GATB: variants seen among roughly 807,000 people sequenced by gnomAD.
GATB encodes the protein glutamyl-tRNA amidotransferase subunit B.
In GATB, 39 loss-of-function variants were observed where a neutral mutation model predicts 62.3. The observed-to-expected ratio is 0.63, with a 90% CI of 0.48 to 0.82. GATB has a LOEUF of 0.82. Ranked by LOEUF, GATB falls within the 40% of genes least tolerant of loss-of-function variation. GATB has a pLI of 0.00. For missense variants in GATB, 670 were observed against 684.0 expected (o/e 0.98, Z 0.23); for synonymous variants, 276 against 258.9 (o/e 1.07, Z -0.63).
At chr4:151,735,150 C>T (rs1399407846) in intron 2 of GATB, among the ~76,000 whole-genome samples, 3 of 150,492 alleles carry the variant, frequency 2.0e-5, no homozygotes, top group Non-Finnish European at 4.4e-5. Context: ...AGAAAACCCA[C>T]AAAGTGGGAG....
intron 2 of GATB, among the ~76,000 whole-genome samples, chr4:151,750,179 C>A (rs1037845101): frequency 6.6e-6 from 1 of 152,200 alleles, no homozygotes; most frequent in Non-Finnish European, 1.5e-5. Context: ...CCACGCCCAG[C>A]CCCTAACTTA....
chr4:151,756,356 C>A (rs1441614736), intron 2 of GATB, among the ~76,000 whole-genome samples: 3 of 152,178 alleles, frequency 2.0e-5, no homozygotes, highest in African/African-American at 7.2e-5. Context: ...GGAAGGACAA[C>A]TGTCTAAAGG....
intron 2 of GATB, among the ~76,000 whole-genome samples, chr4:151,745,203 G>C (rs1739571410): frequency 6.6e-6 from 1 of 152,196 alleles, no homozygotes; most frequent in Non-Finnish European, 1.5e-5. Flanking sequence ...AATGGACGGA[G>C]AGATAAATGT....
At chr4:151,711,069 C>G (rs1371093125) in intron 5 of GATB, among the ~76,000 whole-genome samples, 1 of 152,176 alleles carries the variant, frequency 6.6e-6, no homozygotes, top group African/African-American at 2.4e-5. Context: ...TGTGCTTCCT[C>G]CCTGTCTCTT....
In GATB at chr4:151,730,773, T is replaced by TA. The variant is rs1327069748; in HGVS notation, c.328-11236dup. ...ACCCCATGGGACAAAAAGACCTGAA[T>TA]AGCAGCTTTCAGCCCTGGACCTTCC... On this transcript the variant is annotated intron_variant, in intron 2 of 12. Transcript: ENST00000263985. This position sits in a 1 kb window ranked among gnomAD's most constrained non-coding sequence, Gnocchi z 4.1. 6.6e-6 allele frequency among the ~76,000 whole-genome samples: 1 copy of TA among 152,200 alleles called. No homozygotes were observed. The highest frequency in any genetic ancestry group is 6.5e-5 in the Admixed American group (1 of 15,282).
intron 5 of GATB, among the ~76,000 whole-genome samples, chr4:151,709,536 A>G: frequency 6.6e-6 from 1 of 151,924 alleles, no homozygotes; most frequent in East Asian, 1.9e-4. Flanking sequence ...GTCATCTTCT[A>G]CTTCTCTGTT....
chr4:151,751,594 G>A (rs1739722217), intron 2 of GATB, among the ~76,000 whole-genome samples: 1 of 152,152 alleles, frequency 6.6e-6, no homozygotes, highest in African/African-American at 2.4e-5. Flanking sequence ...TCCAATTATG[G>A]TAGGTAAGAA....
At position 151,725,092 on chromosome 4, in the gene GATB, C is replaced by T. The variant is rs143512962; in HGVS notation, c.328-5554G>A. 4.6e-5 allele frequency among the ~76,000 whole-genome samples: 7 copies of T among 152,348 alleles called. No individual in the cohort carries two copies. In the East Asian group the frequency reaches 1.2e-3, roughly 25 times the overall value. ...AGAGATTCTCAACAGCAGGAGGCCA[C>T]TCCTATCACAGGGTATTGGGGCCAT... On this transcript the variant is annotated intron_variant, in intron 2 of 12. Transcript: ENST00000263985.
intron 2 of GATB, among the ~76,000 whole-genome samples, chr4:151,725,448 A>C (rs764436405): frequency 1.3e-5 from 2 of 152,236 alleles, no homozygotes; most frequent in African/African-American, 2.4e-5. Flanking sequence ...TCTTTTGATA[A>C]ATAAACAGCT....
intron 2 of GATB, among the ~76,000 whole-genome samples, chr4:151,742,492 C>T (rs1373282274): frequency 6.6e-6 from 1 of 152,164 alleles, no homozygotes; most frequent in African/African-American, 2.4e-5. Context: ...TTGTTTCATC[C>T]CCTCCCTTCT....
intron 8 of GATB, chr4:151,703,157 T>C (rs1738640897): frequency 6.6e-6 from 1 of 152,352 alleles, no homozygotes; most frequent in Non-Finnish European, 1.5e-5. Flanking sequence ...GTGAGGTTCA[T>C]GCTAAGCGTT....
At chr4:151,698,565 T>C (rs1029816470) in intron 9 of GATB, among the ~76,000 whole-genome samples, 2 of 152,228 alleles carry the variant, frequency 1.3e-5, no homozygotes, top group Non-Finnish European at 2.9e-5. Flanking sequence ...TTCTCAGCAA[T>C]CTGTTGTGTT....
At position 151,758,804 on chromosome 4, in the gene GATB, A is replaced by G. The variant is rs1739890594; in HGVS notation, c.295T>C (p.Phe99Leu). Residue 99 changes from phenylalanine (F) to leucine (L), a missense_variant, in exon 2 of 13, where the codon TTT (phenylalanine) becomes CTT (leucine). Transcript: ENST00000263985. ...GTTCCAGGTAGAGATGCATCAAAAA[A>G]AGAAACCAAAGAATTTGGAGGTGCT... ...FSAPPNSLVS[F>L]FDASLPGTLP... 6.2e-7 allele frequency: 1 copy of G among 1,607,288 alleles called. No homozygotes were observed. Among genetic ancestry groups the G allele is most frequent in the African/African-American group, 1.3e-5 (1 of 74,806 alleles).
intron 12 of GATB, among the ~76,000 whole-genome samples, chr4:151,671,691 G>A (rs1043375743): frequency 2.6e-5 from 4 of 152,096 alleles, no homozygotes; most frequent in Non-Finnish European, 5.9e-5. Flanking sequence ...GATTCTCAGT[G>A]ATGTTCAGCT....
intron 9 of GATB, among the ~76,000 whole-genome samples, chr4:151,700,086 G>A (rs1384945884): frequency 2.6e-5 from 4 of 152,222 alleles, no homozygotes; most frequent in African/African-American, 7.2e-5. Context: ...AGACTAAAAC[G>A]TAGTTTTGTT....
chr4:151,716,753 A>T, intron 4 of GATB, 123 bp downstream of exon 4: 1 of 811,482 alleles, frequency 1.2e-6, no homozygotes, highest in Non-Finnish European at 2.0e-6. Context: ...TTTAGTCTCC[A>T]TCTATCAGGC....
At chr4:151,696,046 G>A (rs1738464511) in intron 9 of GATB, among the ~76,000 whole-genome samples, 2 of 149,808 alleles carry the variant, frequency 1.3e-5, no homozygotes. Flanking sequence ...CTCCCAGAGT[G>A]CTGGGATTAC....
At chr4:151,705,301 T>G in intron 6 of GATB, 32 bp from the exon 7 acceptor site, 2 of 1,352,842 alleles carry the variant, frequency 1.5e-6, no homozygotes, top group Non-Finnish European at 2.1e-6. Context: ...AGCATCATAT[T>G]TTGATTATAC....
At chr4:151,735,733 G>GTTATATATATATATATATATAT (rs1739357847) in intron 2 of GATB, among the ~76,000 whole-genome samples, 1 of 66,774 alleles carries the variant, frequency 1.5e-5, no homozygotes, top group Non-Finnish European at 2.8e-5. Flanking sequence ...AATAAACTGT[G>GTTATATATATATATATATATAT]GTGTATATAT....
Sources: allele counts gnomAD v4.1 joint callset (sites outside exome capture counted in the v4.1 genomes callset), GRCh38; gene constraint gnomAD v4.1.1; non-coding constraint Gnocchi (gnomAD v3.1); transcripts MANE v1.5; gene names NCBI Gene and HGNC (gene_info 2026-07-23, HGNC 2026-07-21).